The following C1S variants were observed in gnomAD, a reference collection of about 807,000 sequenced individuals.
The protein encoded by C1S is complement C1s subcomponent.
A neutral mutation model predicts 54.0 loss-of-function variants in C1S; 31 were observed. The observed-to-expected ratio is 0.57, with a 90% CI of 0.43 to 0.78. The LOEUF is 0.78. Ranked by LOEUF, C1S falls within the 30% of genes least tolerant of loss-of-function variation. C1S has a pLI of 0.00. For synonymous variants in C1S, 292 were observed against 303.6 expected (o/e 0.96, Z 0.40); for missense variants, 727 against 851.8 (o/e 0.85, Z 1.82).
In C1S at chr12:7,062,806, G is replaced by A. The variant is rs997774183; in HGVS notation, c.214-84G>A. 5 of 1,541,514 alleles carry A rather than the reference G, an allele frequency of 3.2e-6. No homozygotes were observed. In the African/African-American group the frequency reaches 4.1e-5, roughly 13 times the overall value. On this transcript the variant is annotated intron_variant, in intron 3 of 11. Coordinates refer to ENST00000360817, the MANE Select transcript of C1S (RefSeq NM_001734.5). ...GGAGTCAAGTCCTAGTGGCATAAAT[G>A]TTCTATTCTCTCTGTCCCTTCTTTT...
chr12:7,065,893 G>A lies in C1S; in HGVS notation c.794G>A (p.Ser265Asn), dbSNP rs151322434. The part of the protein sequence containing the change: ...FPGPLNIETK[S>N]NALDIIFQTD... Reference sequence around the variant, plus strand: ...GGGCCTCTAAATATTGAAACCAAGAGTAATGCTCTTGATATCATCTTCCAA... The same window carrying A: ...GGGCCTCTAAATATTGAAACCAAGAATAATGCTCTTGATATCATCTTCCAA... The change falls in exon 7 of 12, where the codon AGT becomes AAT. Residue 265 changes from serine to asparagine, a missense_variant. Physicochemically the swap from Ser to Asn is conservative, Grantham distance 46 (BLOSUM62 1). This residue lies in a region of C1S where 357 missense variants were observed against 365.4 expected (regional missense o/e 0.98). Coordinates refer to ENST00000360817, the MANE Select transcript of C1S (RefSeq NM_001734.5). 51 of 1,613,152 alleles carry A rather than the reference G, an allele frequency of 3.2e-5. No individual in the cohort carries two copies. The African/African-American group carries it at 4.3e-4, about 14-fold the overall frequency.
In C1S at chr12:7,062,582, A is replaced by G. The variant is rs781991781; in HGVS notation, c.113A>G (p.Lys38Arg). 1 of 1,614,012 alleles carries G rather than the reference A, an allele frequency of 6.2e-7. No homozygotes were observed. Among genetic ancestry groups the G allele is most frequent in the Non-Finnish European group, 8.5e-7 (1 of 1,179,888 alleles). The change falls in exon 3 of 12, where the codon AAA (lysine) becomes AGA (arginine). Residue 38 changes from lysine to arginine, a missense_variant. Around this residue, in one of 3 missense-constraint regions of C1S, gnomAD observed 357 missense variants for 365.4 expected, o/e 0.98. Coordinates refer to ENST00000360817, the MANE Select transcript of C1S (RefSeq NM_001734.5). Reference protein sequence around the residue: ...YPQAYPSEVEKSWDIEVPEGY... With the variant: ...YPQAYPSEVERSWDIEVPEGY... ...CAGGCATATCCCAGTGAGGTAGAGAAATCTTGGGACATAGAAGTTCCTGAA... is the reference window on the plus strand; with the variant it reads ...CAGGCATATCCCAGTGAGGTAGAGAGATCTTGGGACATAGAAGTTCCTGAA...
intron 1 of C1S, chr12:7,061,313 G>A (rs1947085227): frequency 6.2e-6 from 1 of 161,690 alleles, no homozygotes; most frequent in Non-Finnish European, 1.4e-5. Flanking sequence ...CCTTCCCCTA[G>A]TGAAAGAAGC....
At chr12:7,066,005 T>C (rs782333003) in intron 7 of C1S, 35 bp downstream of exon 7, 1 of 1,587,398 alleles carries the variant, frequency 6.3e-7, no homozygotes, top group South Asian at 1.1e-5. Context: ...TGGTTGGTGA[T>C]ACCAAAGTCC....
At position 7,062,850 on chromosome 12, in the gene C1S, T is replaced by A. The variant is rs782286219; in HGVS notation, c.214-40T>A. ...TTCTTTTAACTCCATACCAAAATATTACCCTTTCCTAGATTTTTTTTTTGT... is the reference window on the plus strand; with the variant it reads ...TTCTTTTAACTCCATACCAAAATATAACCCTTTCCTAGATTTTTTTTTTGT... On this transcript the variant is annotated intron_variant, in intron 3 of 11. Coordinates refer to ENST00000360817, the MANE Select transcript of C1S (RefSeq NM_001734.5). 3.8e-5 allele frequency: 61 copies of A among 1,604,150 alleles called. No individual in the cohort carries two copies. The Middle Eastern group carries it at 7.2e-4, about 19-fold the overall frequency.
chr12:7,062,389 C>G, intron 2 of C1S, 86 bp from the exon 3 acceptor site: 1 of 994,964 alleles, frequency 1.0e-6, no homozygotes, highest in Non-Finnish European at 1.6e-6. Flanking sequence ...CTTCTTCCCC[C>G]TTTCTTCTGC....
chr12:7,066,882 G>C (rs1470291640), intron 8 of C1S, 157 bp from the exon 9 acceptor site: 2 of 721,232 alleles, frequency 2.8e-6, no homozygotes, highest in South Asian at 1.5e-5. Context: ...CTTTCTGTCA[G>C]CCTCATCTCC....
chr12:7,064,035 T>TACACACACACACACACACAC lies in C1S; in HGVS notation c.392-220_392-219insACACACACACACACACACAC, dbSNP rs374863140. On this transcript the variant is annotated intron_variant, in intron 4 of 11. Transcript: ENST00000360817. Reference sequence around the variant, plus strand: ...GGTGACAGAGTGAGGCTATGTCACTTACACACACACACCCCCGAGCTTCCT... The same window carrying TACACACACACACACACACAC: ...GGTGACAGAGTGAGGCTATGTCACTTACACACACACACACACACACACACACACACACCCCCGAGCTTCCT... 502 of 565,564 alleles carry TACACACACACACACACACAC rather than the reference T, an allele frequency of 8.9e-4. 3 individuals carry two copies. Among genetic ancestry groups the TACACACACACACACACACAC allele is most frequent in the African/African-American group, 5.3e-3 (275 of 52,340 alleles). 35.0% of individuals were successfully genotyped at this position (565,564 alleles called of 1,614,324 possible).
rs897893803 is a variant in C1S at position 7,070,620 on chromosome 12, T to C, written c.2036T>C (p.Met679Thr). ...TATGTTGACTGGATAATGAAGACTA[T>C]GCAGGAAAATAGCACCCCCCGTGAG... ...KNYVDWIMKT[M>T]QENSTPRED is the part of the protein sequence containing the mutation. Residue 679 changes from methionine (M) to threonine (T), a missense_variant, in exon 12 of 12, where the codon ATG (methionine) becomes ACG (threonine). Coordinates refer to ENST00000360817, the MANE Select transcript of C1S (RefSeq NM_001734.5). This position sits in a 1 kb window ranked among gnomAD's most constrained non-coding sequence, Gnocchi z 4.9. 2.5e-6 allele frequency: 4 copies of C among 1,614,006 alleles called. No individual in the cohort carries two copies. The highest frequency in any genetic ancestry group is 3.4e-6 in the Non-Finnish European group (4 of 1,180,050).
At chr12:7,062,739 T>C in intron 3 of C1S, 57 bp downstream of exon 3, 1 of 1,565,938 alleles carries the variant, frequency 6.4e-7, no homozygotes, top group South Asian at 1.1e-5. Flanking sequence ...GGTAGCGGAA[T>C]AAGGATGTGG....
intron 11 of C1S, chr12:7,068,784 A>G: frequency 1.8e-6 from 1 of 544,556 alleles, no homozygotes; most frequent in Non-Finnish European, 3.3e-6. Context: ...ATGTAGCTGC[A>G]GTGAGAAGAT....
chr12:7,063,270 A>G (rs1238625137), intron 4 of C1S: 2 of 597,008 alleles, frequency 3.4e-6, no homozygotes, highest in Non-Finnish European at 6.0e-6. Context: ...CATGGTAATA[A>G]CACATAGTAC....
At chr12:7,068,586 C>CCA in intron 11 of C1S, 56 bp downstream of exon 11, 2 of 1,172,702 alleles carry the variant, frequency 1.7e-6, no homozygotes, top group South Asian at 1.2e-5. Context: ...TGGGAGTCAC[C>CCA]TTCTGAAAGC....
At chr12:7,067,423 C>T (rs782220073) in intron 9 of C1S, 53 of 698,692 alleles carry the variant, frequency 7.6e-5, no homozygotes, top group Admixed American at 7.2e-4. Flanking sequence ...CTCTTCACTA[C>T]GGCTTTCATG....
chr12:7,065,441 G>T, intron 6 of C1S, 142 bp downstream of exon 6: 1 of 733,904 alleles, frequency 1.4e-6, no homozygotes, highest in South Asian at 1.5e-5. Context: ...CTGTAGCCTT[G>T]ATCTCTTGGG....
chr12:7,067,117 C>A lies in C1S; in HGVS notation c.1066C>A (p.Pro356Thr). The A allele has an allele frequency of 6.4e-7, 1 of 1,566,294 alleles. No homozygotes were observed. The highest frequency in any genetic ancestry group is 8.8e-7 in the Non-Finnish European group (1 of 1,136,388). Residue 356 changes from proline to threonine, a missense_variant and splice_region_variant, in exon 9 of 12, where the codon CCT becomes ACT. Transcript: ENST00000360817. ...GAGTAATTCCAAACTGAAATGTCAACGTATGTGTCTCTTCAAAGTGGAAGT... is the reference window on the plus strand; with the variant it reads ...GAGTAATTCCAAACTGAAATGTCAAAGTATGTGTCTCTTCAAAGTGGAAGT... Reference protein sequence around the residue: ...KWSNSKLKCQPVDCGIPESIE... With the variant: ...KWSNSKLKCQTVDCGIPESIE...
At chr12:7,061,380 C>CAG (rs1409277465) in intron 1 of C1S, 2 of 202,000 alleles carry the variant, frequency 9.9e-6, no homozygotes, top group Admixed American at 5.2e-5. Flanking sequence ...CAATGATAAA[C>CAG]AGCAGACAGG....
chr12:7,066,248 A>G (rs1947175840), intron 7 of C1S: 2 of 609,652 alleles, frequency 3.3e-6, no homozygotes, highest in South Asian at 4.0e-5. Flanking sequence ...GAGATACTTC[A>G]CTTCTTCAGG....
rs1555161507 is a variant in C1S, at chr12:7,063,027, A to G, written c.351A>G (p.Glu117=). The part of the protein sequence containing the change: ...QVIFKSDFSN[E]ERFTGFAAYY... ...TCTTTAAGTCAGACTTTTCCAATGA[A>G]GAGCGTTTTACGGGGTTTGCTGCAT... The change falls in exon 4 of 12, where the codon GAA becomes GAG. Residue 117 remains glutamate, a synonymous_variant. Coordinates refer to ENST00000360817, the MANE Select transcript of C1S (RefSeq NM_001734.5). 5 of 1,614,132 alleles carry G rather than the reference A, an allele frequency of 3.1e-6. No homozygotes were observed. The Admixed American group carries it at 8.3e-5, about 27-fold the overall frequency.
Sources: allele counts gnomAD v4.1 joint callset, GRCh38; gene constraint gnomAD v4.1.1; regional missense constraint gnomAD v4.1.1; non-coding constraint Gnocchi (gnomAD v3.1); transcripts MANE v1.5; gene names NCBI Gene and HGNC (gene_info 2026-07-23, HGNC 2026-07-21).